The following CACNA1C variants were observed in gnomAD, a reference collection of about 807,000 sequenced individuals.
The protein encoded by CACNA1C is calcium voltage-gated channel subunit alpha1 C.
In CACNA1C, 30 loss-of-function variants were observed where a neutral mutation model predicts 229.0. That is an observed-to-expected ratio of 0.13 (90% CI 0.10 to 0.18). The LOEUF is 0.18. Ranked by LOEUF, CACNA1C falls within the 10% of genes least tolerant of loss-of-function variation. CACNA1C has a pLI of 1.00. For missense variants in CACNA1C, 1,658 were observed against 2,845.0 expected (o/e 0.58, Z 9.49); for synonymous variants, 1,114 against 1,132.5 (o/e 0.98, Z 0.33).
chr12:2,432,010 C>A (rs1253807584), intron 3 of CACNA1C, among the ~76,000 whole-genome samples: 1 of 152,194 alleles, frequency 6.6e-6, no homozygotes, highest in Non-Finnish European at 1.5e-5. Context: ...CACAACTTCC[C>A]TTTTAAGGGC....
At position 2,053,017 on chromosome 12, in the gene CACNA1C, C is replaced by A; in HGVS notation, c.-546C>A. ...CCTCTCGCTGCCTCTGCAGAAACAG[C>A]TCCTGCCAGAGCGGCGCTCGGCGCG... On this transcript the variant is annotated 5_prime_UTR_variant, in exon 1 of 47. Transcript: ENST00000399655. This position sits in a 1 kb window ranked among gnomAD's most constrained non-coding sequence, Gnocchi z 5.8. The A allele has an allele frequency of 1.0e-6, 1 of 984,340 alleles. No homozygotes were observed. The highest frequency in any genetic ancestry group is 1.2e-6 in the Non-Finnish European group (1 of 829,512). The allele number at this position is 984,340 out of a possible 1,614,324, so 61.0% of individuals were successfully genotyped here.
chr12:2,665,491 C>A lies in CACNA1C; in HGVS notation c.4399-90C>A. The A allele has an allele frequency of 7.1e-7, 1 of 1,416,072 alleles. No homozygotes were observed. The highest frequency in any genetic ancestry group is 9.8e-7 in the Non-Finnish European group (1 of 1,016,440). 87.7% of individuals were successfully genotyped at this position (1,416,072 alleles called of 1,614,324 possible). On this transcript the variant is annotated intron_variant, in intron 35 of 46. Coordinates refer to ENST00000399655, the MANE Select transcript of CACNA1C (RefSeq NM_000719.7). This position sits in a 1 kb window ranked among gnomAD's most constrained non-coding sequence, Gnocchi z 5.9. ...TGGTCTTTAGAAATGTTGGCTTCTG[C>A]CATCAGTAGGCCCCAGCTGGCAAGG... is the stretch of plus-strand genomic sequence containing the variant.
chr12:2,226,666 G>A (rs997445244), intron 3 of CACNA1C, among the ~76,000 whole-genome samples: 5 of 152,108 alleles, frequency 3.3e-5, no homozygotes, highest in African/African-American at 1.2e-4. Context: ...TTTCCTCCAC[G>A]GAGACTCACA....
Position 2,488,800 on chromosome 12 carries a change from C to CAG in CACNA1C, c.916+2540_916+2541dup. Reference sequence around the variant, plus strand: ...GGAAGAGGGGCCCAGGACACAGCTGCAGAAGCCTGTCCTCTCAAATACTCT... The same window carrying CAG: ...GGAAGAGGGGCCCAGGACACAGCTGCAGAGAAGCCTGTCCTCTCAAATACTCT... On this transcript the variant is annotated intron_variant, in intron 6 of 46. Transcript: ENST00000399655. This position sits in a 1 kb window ranked among gnomAD's most constrained non-coding sequence, Gnocchi z 4.0. Among the ~76,000 whole-genome samples, 1 of 152,318 alleles carries CAG rather than the reference C, an allele frequency of 6.6e-6. No individual in the cohort carries two copies. The highest frequency in any genetic ancestry group is 1.9e-4 in the East Asian group (1 of 5,176).
At chr12:2,339,671 G>A (rs1027008910) in intron 3 of CACNA1C, among the ~76,000 whole-genome samples, 3 of 151,814 alleles carry the variant, frequency 2.0e-5, no homozygotes, top group Non-Finnish European at 2.9e-5. Flanking sequence ...AGTAAGACAC[G>A]CGCACATAGT....
intron 1 of CACNA1C, among the ~76,000 whole-genome samples, chr12:1,987,503 C>T (rs924963324): frequency 6.6e-6 from 1 of 151,924 alleles, no homozygotes; most frequent in African/African-American, 2.4e-5. Flanking sequence ...CAAATAGAAC[C>T]CTTCTCTAGT....
At chr12:2,411,029 C>T (rs1355175023) in intron 3 of CACNA1C, among the ~76,000 whole-genome samples, 3 of 152,112 alleles carry the variant, frequency 2.0e-5, no homozygotes, top group East Asian at 1.9e-4. Flanking sequence ...CCAGAGAGGC[C>T]AGTTCTGCCT....
chr12:2,565,201 G>A (rs1009248300), intron 11 of CACNA1C, among the ~76,000 whole-genome samples: 1 of 151,988 alleles, frequency 6.6e-6, no homozygotes, highest in Non-Finnish European at 1.5e-5. Flanking sequence ...GGGCGCGGTG[G>A]CTCACGCCTG....
chr12:2,551,838 C>G (rs1186994509), intron 10 of CACNA1C, among the ~76,000 whole-genome samples: 1 of 151,976 alleles, frequency 6.6e-6, no homozygotes, highest in African/African-American at 2.4e-5. Context: ...CCGTCACAGT[C>G]AGGGAAGAGG....
chr12:2,214,543 G>C (rs76887722), intron 3 of CACNA1C, among the ~76,000 whole-genome samples: 1 of 151,832 alleles, frequency 6.6e-6, no homozygotes, highest in Admixed American at 6.6e-5. Flanking sequence ...GCATGGAGAG[G>C]TTGAGCAACT....
chr12:2,297,178 G>A (rs1015912980), intron 3 of CACNA1C, among the ~76,000 whole-genome samples: 4 of 152,178 alleles, frequency 2.6e-5, no homozygotes, highest in Non-Finnish European at 2.9e-5. Flanking sequence ...TCAGCCTACC[G>A]TCCACATTCC....
In CACNA1C at chr12:1,996,638, AAAAAAAAAAAAAAAAAACAAC is replaced by A. The variant is rs1257351568; in HGVS notation, c.139+25441_139+25461del. ...AGCTAAAAAAAAAAAAAAAAAAAAA[AAAAAAAAAAAAAAAAAACAAC>A]AAACTCTTCTAATGTTTTAAAGAAG... On this transcript the variant is annotated intron_variant, in intron 1 of 46. Coordinates refer to the CACNA1C transcript ENST00000682462. Among the ~76,000 whole-genome samples, 15 of 123,564 alleles carry A rather than the reference AAAAAAAAAAAAAAAAAACAAC, an allele frequency of 1.2e-4. 1 individual carries two copies. Among genetic ancestry groups the A allele is most frequent in the East Asian group, 4.2e-4 (2 of 4,720 alleles). 81.1% of individuals were successfully genotyped at this position (123,564 alleles called of 152,430 possible).
chr12:2,413,541 G>T (rs1390578533), intron 3 of CACNA1C, among the ~76,000 whole-genome samples: 1 of 152,184 alleles, frequency 6.6e-6, no homozygotes, highest in Non-Finnish European at 1.5e-5. Flanking sequence ...CTGATAAAAT[G>T]CAGCGACATG....
At chr12:2,060,858 C>T (rs1006662) in intron 1 of CACNA1C, among the ~76,000 whole-genome samples, 2,131 of 152,356 alleles carry the variant, frequency 0.014, 46 homozygotes, top group African/African-American at 0.048. Flanking sequence ...GAATGTTCTT[C>T]TCCATATTGC....
At chr12:2,327,070 G>C (rs1322630910) in intron 3 of CACNA1C, among the ~76,000 whole-genome samples, 1 of 151,712 alleles carries the variant, frequency 6.6e-6, no homozygotes, top group Non-Finnish European at 1.5e-5. Flanking sequence ...CCATGAGTAG[G>C]AGATGATCAG....
intron 3 of CACNA1C, among the ~76,000 whole-genome samples, chr12:2,191,575 C>T (rs1233683218): frequency 6.6e-6 from 1 of 152,128 alleles, no homozygotes; most frequent in African/African-American, 2.4e-5. Context: ...CTCACATGTA[C>T]TCAAGCATAC....
At chr12:2,668,586 C>A in intron 37 of CACNA1C, 1 of 253,496 alleles carries the variant, frequency 3.9e-6, no homozygotes, top group Non-Finnish European at 7.7e-6. Flanking sequence ...TCTGGGGAGG[C>A]CTCAGGAAGC....
intron 1 of CACNA1C, chr12:2,020,097 A>G (rs2046179088): frequency 6.6e-6 from 1 of 152,198 alleles, no homozygotes; most frequent in Admixed American, 6.5e-5. Context: ...GTGCACACAC[A>G]CACTTCTCTT....
intron 3 of CACNA1C, among the ~76,000 whole-genome samples, chr12:2,231,510 T>A (rs2065126843): frequency 6.6e-6 from 1 of 152,206 alleles, no homozygotes; most frequent in Admixed American, 6.5e-5. Flanking sequence ...ACGCATTACT[T>A]AATTATAAGA....
Sources: allele counts gnomAD v4.1 joint callset (sites outside exome capture counted in the v4.1 genomes callset), GRCh38; gene constraint gnomAD v4.1.1; non-coding constraint Gnocchi (gnomAD v3.1); transcripts MANE v1.5; gene names NCBI Gene and HGNC (gene_info 2026-07-23, HGNC 2026-07-21).